Variants in TNKS observed in about 807,000 individuals in gnomAD.
TNKS encodes the protein tankyrase, also known as poly [ADP-ribose] polymerase tankyrase-1.
A neutral mutation model predicts 135.8 loss-of-function variants in TNKS; 72 were observed. The ratio of observed to expected loss-of-function variants is 0.53; its 90% CI spans 0.44 to 0.64. The LOEUF (loss-of-function observed/expected upper bound fraction) is 0.64. TNKS is among the 30% of genes least tolerant of loss of function. TNKS has a pLI of 0.00. For missense variants in TNKS, 1,769 were observed against 1,674.0 expected (o/e 1.06, Z -0.99); for synonymous variants, 849 against 649.3 (o/e 1.31, Z -4.68).
At chr8:9,613,926 A>G (rs778418501) in intron 2 of TNKS, among the ~76,000 whole-genome samples, 1 of 152,222 alleles carries the variant, frequency 6.6e-6, no homozygotes, top group African/African-American at 2.4e-5. Flanking sequence ...AGATAAAAAT[A>G]TTCATTTACT....
intron 3 of TNKS, among the ~76,000 whole-genome samples, chr8:9,626,307 T>C (rs1183360776): frequency 6.6e-6 from 1 of 152,222 alleles, no homozygotes; most frequent in African/African-American, 2.4e-5. Flanking sequence ...ACTGAATTCC[T>C]TTTAGATGGC....
At chr8:9,628,194 A>G (rs535897122) in intron 3 of TNKS, among the ~76,000 whole-genome samples, 60 of 152,190 alleles carry the variant, frequency 3.9e-4, no homozygotes, top group Non-Finnish European at 6.0e-4. Flanking sequence ...TTTTGTGTCA[A>G]TTCTTACACC....
intron 1 of TNKS, among the ~76,000 whole-genome samples, chr8:9,565,108 G>A (rs1226123016): frequency 6.6e-6 from 1 of 152,044 alleles, no homozygotes; most frequent in African/African-American, 2.4e-5. Context: ...TTCATCAGAT[G>A]TCTAAGTTTG....
intron 2 of TNKS, among the ~76,000 whole-genome samples, chr8:9,592,557 C>T (rs1798625985): frequency 6.6e-6 from 1 of 152,084 alleles, no homozygotes. Context: ...GGATGAGGTG[C>T]CAGATTCTTA....
chr8:9,615,540 G>T lies in TNKS; in HGVS notation c.899-42G>T, dbSNP rs753253029. 1.3e-5 allele frequency: 20 copies of T among 1,527,182 alleles called. No individual in the cohort carries two copies. The South Asian group carries it at 2.3e-4, about 18-fold the overall frequency. 94.6% of individuals were successfully genotyped at this position (1,527,182 alleles called of 1,614,324 possible). ...CGACACTTACCAGTAAATAATCTCT[G>T]TATCCCCGAGGTAAGATACTGTTTC... is the stretch of plus-strand genomic sequence containing the variant. On this transcript the variant is annotated intron_variant, in intron 2 of 26. Coordinates refer to ENST00000310430, the MANE Select transcript of TNKS (RefSeq NM_003747.3).
chr8:9,625,198 A>G (rs1322779309), intron 3 of TNKS, among the ~76,000 whole-genome samples: 2 of 152,036 alleles, frequency 1.3e-5, no homozygotes, highest in African/African-American at 4.8e-5. Context: ...AAGTTGTCAA[A>G]TTTGTGCATA....
intron 12 of TNKS, among the ~76,000 whole-genome samples, chr8:9,726,216 A>C (rs7014591): frequency 0.99 from 149,933 of 152,174 alleles, 73,896 homozygotes; most frequent in East Asian, 1. Context: ...CATGGTGAAA[A>C]CCCATCTCCA....
At chr8:9,722,167 C>G (rs1020832672) in intron 12 of TNKS, among the ~76,000 whole-genome samples, 2 of 151,696 alleles carry the variant, frequency 1.3e-5, no homozygotes, top group Non-Finnish European at 2.9e-5. Flanking sequence ...ATAGATTGGA[C>G]ACAACTATAT....
chr8:9,650,693 G>T (rs1188404765), intron 3 of TNKS, among the ~76,000 whole-genome samples: 1 of 151,894 alleles, frequency 6.6e-6, no homozygotes, highest in African/African-American at 2.4e-5. Context: ...TGAGTTCCTT[G>T]TAGATTCTAG....
intron 17 of TNKS, among the ~76,000 whole-genome samples, chr8:9,742,569 A>T (rs905588435): frequency 4.0e-5 from 6 of 151,808 alleles, no homozygotes; most frequent in African/African-American, 1.5e-4. Flanking sequence ...TAATAGACTT[A>T]AAGTAAGGCT....
intron 2 of TNKS, among the ~76,000 whole-genome samples, chr8:9,599,806 T>G (rs936826089): frequency 6.6e-6 from 1 of 152,136 alleles, no homozygotes; most frequent in African/African-American, 2.4e-5. Context: ...AAAAAAAGTC[T>G]TGATTTTCTA....
intron 25 of TNKS, among the ~76,000 whole-genome samples, chr8:9,767,375 G>A (rs911071754): frequency 6.6e-6 from 1 of 152,078 alleles, no homozygotes; most frequent in African/African-American, 2.4e-5. Context: ...CAAAGATTGG[G>A]ATTTATTACA....
intron 3 of TNKS, among the ~76,000 whole-genome samples, chr8:9,678,767 C>T (rs1179677583): frequency 6.6e-6 from 1 of 152,154 alleles, no homozygotes; most frequent in East Asian, 1.9e-4. Flanking sequence ...CATATTTACA[C>T]ATAAGATTTT....
chr8:9,584,406 A>C (rs1027767226), intron 2 of TNKS, among the ~76,000 whole-genome samples: 3 of 152,142 alleles, frequency 2.0e-5, no homozygotes, highest in African/African-American at 4.8e-5. Context: ...TAGAATTTTG[A>C]ATACAAAATC....
intron 3 of TNKS, among the ~76,000 whole-genome samples, chr8:9,619,276 G>C (rs1004969718): frequency 6.6e-6 from 1 of 152,122 alleles, no homozygotes; most frequent in African/African-American, 2.4e-5. Flanking sequence ...GTTGACAAAG[G>C]GAATGTTTGT....
intron 5 of TNKS, among the ~76,000 whole-genome samples, chr8:9,697,031 A>G (rs1485243002): frequency 6.6e-6 from 1 of 152,174 alleles, no homozygotes; most frequent in Non-Finnish European, 1.5e-5. Context: ...GAGGCATCAC[A>G]CTACCCAAAT....
At chr8:9,736,319 G>C (rs1805701725) in intron 17 of TNKS, among the ~76,000 whole-genome samples, 1 of 141,862 alleles carries the variant, frequency 7.0e-6, no homozygotes, top group South Asian at 2.3e-4. Context: ...GGAGTTCAAG[G>C]CCACCCTGAT....
intron 1 of TNKS, among the ~76,000 whole-genome samples, chr8:9,560,191 G>A (rs899206847): frequency 9.2e-5 from 14 of 152,042 alleles, no homozygotes; most frequent in Non-Finnish European, 1.8e-4. Context: ...TTCTGAAGAC[G>A]TCTCTTTTTA....
At chr8:9,584,164 TAA>T (rs34977301) in intron 2 of TNKS, among the ~76,000 whole-genome samples, 469 of 114,430 alleles carry the variant, frequency 4.1e-3, no homozygotes, top group African/African-American at 8.8e-3. Context: ...ACTCTGTCTT[TAA>T]AAAAAAAAAA....
Sources: allele counts gnomAD v4.1 joint callset (sites outside exome capture counted in the v4.1 genomes callset), GRCh38; gene constraint gnomAD v4.1.1; transcripts MANE v1.5; gene names NCBI Gene and HGNC (gene_info 2026-07-23, HGNC 2026-07-21).